The following SH3GL3 variants were observed in gnomAD, a reference collection of about 807,000 sequenced individuals.
SH3GL3 encodes the protein SH3 domain containing GRB2 like 3, endophilin A3.
In SH3GL3, 33 loss-of-function variants were observed where a neutral mutation model predicts 47.7. That is an observed-to-expected ratio of 0.69 (90% CI 0.52 to 0.92). The LOEUF is 0.92. SH3GL3 is among the 40% of genes least tolerant of loss of function. The pLI, the probability that SH3GL3 is intolerant of heterozygous loss-of-function variation, is 0.00. For synonymous variants in SH3GL3, 155 were observed against 148.8 expected, an observed-to-expected ratio of 1.04 and a Z score of -0.30; for missense variants, 363 against 417.8, an observed-to-expected ratio of 0.87 and a Z score of 1.14.
chr15:83,569,756 T>A (rs1273766552), intron 4 of SH3GL3, among the ~76,000 whole-genome samples: 2 of 152,238 alleles, frequency 1.3e-5, no homozygotes, highest in African/African-American at 4.8e-5. Flanking sequence ...TTTAACTCCA[T>A]CTTTTGGATC....
At chr15:83,602,190 G>A (rs887988509) in intron 8 of SH3GL3, among the ~76,000 whole-genome samples, 21 of 152,112 alleles carry the variant, frequency 1.4e-4, no homozygotes, top group Admixed American at 3.3e-4. Context: ...TCTTACACCC[G>A]CAAGGTGGAA....
chr15:83,604,366 A>G (rs2060464232), intron 8 of SH3GL3, among the ~76,000 whole-genome samples: 1 of 152,158 alleles, frequency 6.6e-6, no homozygotes, highest in African/African-American at 2.4e-5. Flanking sequence ...CCAAGACACC[A>G]TTCTCTCATT....
chr15:83,606,392 G>A (rs2060516345), intron 8 of SH3GL3, among the ~76,000 whole-genome samples: 1 of 152,152 alleles, frequency 6.6e-6, no homozygotes, highest in Non-Finnish European at 1.5e-5. Flanking sequence ...TTATTCAAAA[G>A]TGAAATGTGA....
chr15:83,624,366 A>G, the SH3GL3 span, among the ~76,000 whole-genome samples: 2 of 152,214 alleles, frequency 1.3e-5, no homozygotes, highest in East Asian at 3.9e-4. Flanking sequence ...GAGCAACACC[A>G]GGGTTCAGCT....
chr15:83,606,427 T>G (rs1360486262), intron 8 of SH3GL3, among the ~76,000 whole-genome samples: 2 of 152,212 alleles, frequency 1.3e-5, no homozygotes, highest in African/African-American at 2.4e-5. Flanking sequence ...AGATGAACAC[T>G]TTGCAAATAG....
At chr15:83,559,437 G>A in intron 2 of SH3GL3, 116 bp downstream of exon 2, 2 of 683,812 alleles carry the variant, frequency 2.9e-6, no homozygotes, top group South Asian at 1.7e-5. Flanking sequence ...ATATAGGTGT[G>A]GATTATGCAA....
the SH3GL3 span, among the ~76,000 whole-genome samples, chr15:83,626,002 T>G: frequency 6.6e-6 from 1 of 152,176 alleles, no homozygotes; most frequent in Non-Finnish European, 1.5e-5. Flanking sequence ...CCAGCTAATT[T>G]TTATATTTTT....
the SH3GL3 span, among the ~76,000 whole-genome samples, chr15:83,627,646 T>G: frequency 6.6e-6 from 1 of 152,112 alleles, no homozygotes; most frequent in South Asian, 2.1e-4. Context: ...TTTGATTGAA[T>G]TTACTGGGGA....
intron 1 of SH3GL3, among the ~76,000 whole-genome samples, chr15:83,494,194 C>G (rs1638306333): frequency 2.0e-5 from 3 of 152,114 alleles, no homozygotes. Flanking sequence ...ACAGGTATGC[C>G]AGGCTTTGGG....
intron 8 of SH3GL3, among the ~76,000 whole-genome samples, chr15:83,596,439 C>G (rs2060238754): frequency 6.6e-6 from 1 of 151,922 alleles, no homozygotes; most frequent in South Asian, 2.1e-4. Context: ...ATTTTTTGGT[C>G]TATGTTTTCC....
intron 1 of SH3GL3, among the ~76,000 whole-genome samples, chr15:83,473,736 A>G (rs1314704641): frequency 6.6e-6 from 1 of 151,116 alleles, no homozygotes; most frequent in Admixed American, 6.6e-5. Flanking sequence ...TTTAGTAGAG[A>G]CGGGGTTTCA....
chr15:83,506,193 CT>C (rs1432603397), intron 1 of SH3GL3, among the ~76,000 whole-genome samples: 1 of 152,158 alleles, frequency 6.6e-6, no homozygotes, highest in Non-Finnish European at 1.5e-5. Context: ...AAATATTCAC[CT>C]ACATGTGGTG....
chr15:83,594,135 A>C (rs2060180518), intron 8 of SH3GL3, among the ~76,000 whole-genome samples: 1 of 152,206 alleles, frequency 6.6e-6, no homozygotes, highest in Non-Finnish European at 1.5e-5. Flanking sequence ...GATTTTAAAA[A>C]TCAGATTGAG....
intron 1 of SH3GL3, among the ~76,000 whole-genome samples, chr15:83,531,830 G>A (rs62027547): frequency 0.014 from 2,192 of 152,180 alleles, 37 homozygotes; most frequent in South Asian, 0.052. Context: ...GGGGTGGTGT[G>A]TGTGTGTCTG....
In SH3GL3 at chr15:83,465,170, C is replaced by T. The variant is rs942847757; in HGVS notation, c.45+17592C>T. ...ACTAAACATAAAAAAATTAGCTGGG[C>T]ATGGTGGTGTGTGTCTGTAATCTCA... is the stretch of plus-strand genomic sequence containing the variant. On this transcript the variant is annotated intron_variant, in intron 1 of 8. Coordinates refer to ENST00000427482, the MANE Select transcript of SH3GL3 (RefSeq NM_003027.5). Among the ~76,000 whole-genome samples the T allele has an allele frequency of 2.6e-5, 4 of 151,520 alleles. No individual in the cohort carries two copies. The South Asian group carries it at 8.4e-4, about 32-fold the overall frequency.
In SH3GL3 at chr15:83,603,189, G is replaced by A. The variant is rs188343340; in HGVS notation, c.838+14418G>A. On this transcript the variant is annotated intron_variant, in intron 8 of 8. Transcript: ENST00000427482. ...CAATTTTTGTATTTTTAGTAGAGATGGGGCTTCACCATGTTGGCCAGGCTG... is the reference window on the plus strand; with the variant it reads ...CAATTTTTGTATTTTTAGTAGAGATAGGGCTTCACCATGTTGGCCAGGCTG... 2.6e-4 allele frequency among the ~76,000 whole-genome samples: 39 copies of A among 152,100 alleles called. No homozygotes were observed. The East Asian group carries it at 7.4e-3, about 29-fold the overall frequency.
chr15:83,527,486 C>A (rs1034823253), intron 1 of SH3GL3, among the ~76,000 whole-genome samples: 20 of 151,934 alleles, frequency 1.3e-4, no homozygotes, highest in African/African-American at 4.6e-4. Flanking sequence ...TTTCCTTTTA[C>A]TGTTTTTGAC....
intron 1 of SH3GL3, among the ~76,000 whole-genome samples, chr15:83,487,459 T>C (rs2041655309): frequency 6.6e-6 from 1 of 152,190 alleles, no homozygotes; most frequent in South Asian, 2.1e-4. Flanking sequence ...ATGTGGACTA[T>C]TTTGGGGGAA....
Position 83,618,118 on chromosome 15 carries a change from G to T in SH3GL3, c.875G>T (p.Gly292Val). The T allele has an allele frequency of 6.2e-7, 1 of 1,613,912 alleles. No homozygotes were observed. Among genetic ancestry groups the T allele is most frequent in the Non-Finnish European group, 8.5e-7 (1 of 1,179,790 alleles). Residue 292 changes from glycine (G) to valine (V), a missense_variant, in exon 9 of 9, where the codon GGT becomes GTT. By Grantham distance (109) the Gly-to-Val change is moderately radical. Transcript: ENST00000427482. ...NIPMDQPCCRGLYDFEPENQG... is the reference protein window; with the variant it reads ...NIPMDQPCCRVLYDFEPENQG... Reference sequence around the variant, plus strand: ...CCCATGGACCAGCCCTGCTGTCGTGGTCTCTATGACTTTGAGCCAGAAAAC... The same window carrying T: ...CCCATGGACCAGCCCTGCTGTCGTGTTCTCTATGACTTTGAGCCAGAAAAC...
Sources: gnomAD v4.1 joint callset for allele counts (sites outside exome capture counted in the v4.1 genomes callset) on GRCh38, gnomAD v4.1.1 for gene constraint, MANE v1.5 for transcripts, NCBI Gene and HGNC (gene_info 2026-07-23, HGNC 2026-07-21) for gene names.